RAB27B: variants seen among roughly 807,000 people sequenced by gnomAD.
RAB27B encodes the protein ras-related protein Rab-27B.
A neutral mutation model predicts 24.6 loss-of-function variants in RAB27B; 15 were observed. The observed-to-expected ratio is 0.61, with a 90% confidence interval of 0.41 to 0.94. The LOEUF (loss-of-function observed/expected upper bound fraction) is 0.94. RAB27B is among the 40% of genes least tolerant of loss of function. RAB27B has a pLI of 0.00. For synonymous variants in RAB27B, 105 were observed against 92.5 expected, an observed-to-expected ratio of 1.14 and a Z score of -0.78; for missense variants, 261 against 266.8, an observed-to-expected ratio of 0.98 and a Z score of 0.15.
At chr18:54,772,851 T>C (rs988226062) in intron 2 of RAB27B, among the ~76,000 whole-genome samples, 2 of 152,230 alleles carry the variant, frequency 1.3e-5, no homozygotes, top group African/African-American at 2.4e-5. Context: ...CATGCTGTCC[T>C]TCATGGTTTC....
intron 2 of RAB27B, among the ~76,000 whole-genome samples, chr18:54,774,245 T>C (rs1405937289): frequency 1.3e-5 from 2 of 152,200 alleles, no homozygotes; most frequent in Non-Finnish European, 2.9e-5. Flanking sequence ...TTGATTTTAA[T>C]GTTGGGAAAA....
chr18:54,791,587 C>T (rs1325544189), intron 2 of RAB27B, among the ~76,000 whole-genome samples: 4 of 152,076 alleles, frequency 2.6e-5, no homozygotes, highest in Non-Finnish European at 2.9e-5. Context: ...TAGAGGAGGG[C>T]GTGGTCCCTG....
intron 2 of RAB27B, among the ~76,000 whole-genome samples, chr18:54,814,848 A>C (rs1255364813): frequency 6.6e-6 from 1 of 152,194 alleles, no homozygotes; most frequent in Non-Finnish European, 1.5e-5. Context: ...GAATGAGGCT[A>C]TGTTCATCAA....
chr18:54,844,031 G>A (rs1329354080), intron 1 of RAB27B, among the ~76,000 whole-genome samples: 1 of 152,134 alleles, frequency 6.6e-6, no homozygotes, highest in Non-Finnish European at 1.5e-5. Context: ...GAGGAGAAGG[G>A]TGTCATATTA....
chr18:54,775,228 C>G (rs1473557608), intron 2 of RAB27B, among the ~76,000 whole-genome samples: 1 of 152,138 alleles, frequency 6.6e-6, no homozygotes, highest in Non-Finnish European at 1.5e-5. Context: ...CGTGTAAGGC[C>G]CAGAAACAAT....
Position 54,893,491 on chromosome 18 carries a change from G to A in RAB27B, c.*4078G>A, listed in dbSNP as rs374108143. 67 of 152,062 alleles carry A rather than the reference G, an allele frequency of 4.4e-4. No individual in the cohort carries two copies. Among genetic ancestry groups the A allele is most frequent in the African/African-American group, 1.4e-3 (58 of 41,540 alleles). 9.4% of individuals were successfully genotyped at this position (152,062 alleles called of 1,614,324 possible). On this transcript the variant is annotated 3_prime_UTR_variant, in exon 6 of 6. Coordinates refer to ENST00000262094, the MANE Select transcript of RAB27B (RefSeq NM_004163.4). ...TTTAAGATGCCAAGATGCTGCCTAC[G>A]TTTGCAAAAGTTGTCTAAGAATTCA...
chr18:54,845,935 G>T (rs929811991), intron 1 of RAB27B, among the ~76,000 whole-genome samples: 1 of 152,196 alleles, frequency 6.6e-6, no homozygotes, highest in Non-Finnish European at 1.5e-5. Flanking sequence ...AGTGGTAAAA[G>T]TTTGAGTCAT....
intron 1 of RAB27B, among the ~76,000 whole-genome samples, chr18:54,861,312 G>C (rs890214006): frequency 3.3e-5 from 5 of 152,110 alleles, no homozygotes; most frequent in Admixed American, 1.3e-4. Flanking sequence ...TTTCTTTATG[G>C]AGACATTGTT....
At chr18:54,777,132 A>ATACATTC (rs1908742604) in intron 2 of RAB27B, among the ~76,000 whole-genome samples, 1 of 152,272 alleles carries the variant, frequency 6.6e-6, no homozygotes, top group Non-Finnish European at 1.5e-5. Flanking sequence ...CTTTATTTGT[A>ATACATTC]TACATTCTGG....
At chr18:54,829,674 T>C (rs1227907278) in intron 1 of RAB27B, among the ~76,000 whole-genome samples, 19 of 152,200 alleles carry the variant, frequency 1.2e-4, no homozygotes, top group Admixed American at 1.2e-3. Context: ...CAGGGTTTTA[T>C]GGTTATAAAT....
intron 2 of RAB27B, among the ~76,000 whole-genome samples, chr18:54,813,618 G>A (rs1910034607): frequency 6.6e-6 from 1 of 152,166 alleles, no homozygotes. Flanking sequence ...CCAAGGCCTT[G>A]CCAGAAGCCA....
intron 3 of RAB27B, 155 bp downstream of exon 3, chr18:54,879,609 G>T (rs1912841062): frequency 1.5e-6 from 1 of 664,690 alleles, no homozygotes; most frequent in South Asian, 1.8e-5. Context: ...TAAATGATTT[G>T]TAATTAATTA....
intron 2 of RAB27B, among the ~76,000 whole-genome samples, chr18:54,808,806 A>G (rs1251846624): frequency 1.3e-5 from 2 of 152,264 alleles, no homozygotes; most frequent in African/African-American, 4.8e-5. Context: ...AACAGAATAA[A>G]TATGAATTAT....
intron 2 of RAB27B, among the ~76,000 whole-genome samples, chr18:54,719,800 T>C (rs1435654600): frequency 6.6e-6 from 1 of 152,106 alleles, no homozygotes; most frequent in Non-Finnish European, 1.5e-5. Flanking sequence ...ATTCCAAGTC[T>C]GTAAAGATGA....
At chr18:54,875,278 G>C (rs1166136729) in intron 1 of RAB27B, among the ~76,000 whole-genome samples, 1 of 152,148 alleles carries the variant, frequency 6.6e-6, no homozygotes, top group Admixed American at 6.5e-5. Flanking sequence ...AGTGAGCCCT[G>C]ATCATGCCAC....
At chr18:54,746,497 C>T (rs1244784555) in intron 2 of RAB27B, among the ~76,000 whole-genome samples, 1 of 152,126 alleles carries the variant, frequency 6.6e-6, no homozygotes, top group Non-Finnish European at 1.5e-5. Context: ...CAAATTTGGC[C>T]TTATTTTATA....
At chr18:54,769,469 G>A (rs1288566201) in intron 2 of RAB27B, among the ~76,000 whole-genome samples, 1 of 149,812 alleles carries the variant, frequency 6.7e-6, no homozygotes, top group Non-Finnish European at 1.5e-5. Flanking sequence ...TGTTGTTGTT[G>A]TTGTTAATTT....
chr18:54,735,358 T>C (rs1409005945), intron 2 of RAB27B, among the ~76,000 whole-genome samples: 1 of 152,162 alleles, frequency 6.6e-6, no homozygotes, highest in Non-Finnish European at 1.5e-5. Flanking sequence ...TCTCCACTTT[T>C]CTTGTGCTCA....
rs371448213 is a variant in RAB27B at position 54,803,213 on chromosome 18, G to A, written c.-19-74354G>A. ...GCAGATAGAGAAGTACAGAAACTGG[G>A]AAAACAAGCTCTTTCAGATAAGGCA... On this transcript the variant is annotated intron_variant, in intron 2 of 4. Coordinates refer to the RAB27B transcript ENST00000586570. 9.2e-5 allele frequency among the ~76,000 whole-genome samples: 14 copies of A among 152,288 alleles called. No individual in the cohort carries two copies. In the East Asian group the frequency reaches 1.7e-3, roughly 19 times the overall value.
Sources: gnomAD v4.1 joint callset for allele counts (sites outside exome capture counted in the v4.1 genomes callset) on GRCh38, gnomAD v4.1.1 for gene constraint, MANE v1.5 for transcripts, NCBI Gene and HGNC (gene_info 2026-07-23, HGNC 2026-07-21) for gene names.